The following XRCC5 variants were observed in gnomAD, a reference collection of about 807,000 sequenced individuals.
The protein encoded by XRCC5 is X-ray repair cross complementing 5, also known as DNA repair protein Ku80.
Under a neutral mutation model 95.7 loss-of-function variants are expected in XRCC5, and 12 were observed. That is an observed-to-expected ratio of 0.13 (90% CI 0.08 to 0.20). The LOEUF (loss-of-function observed/expected upper bound fraction) is 0.20, where lower values mean the gene tolerates loss of function less well. Among genes scored for constraint, XRCC5 ranks in the 10% least tolerant of loss-of-function variants. The pLI is 1.00. For synonymous variants in XRCC5, 281 were observed against 290.3 expected (o/e 0.97, Z 0.33); for missense variants, 595 against 873.9 (o/e 0.68, Z 4.02).
intron 13 of XRCC5, among the ~76,000 whole-genome samples, chr2:216,142,528 A>G (rs181677508): frequency 4.7e-4 from 72 of 152,258 alleles, no homozygotes; most frequent in Non-Finnish European, 9.7e-4. Context: ...TGAAGGAGAA[A>G]GGAATATTCC....
chr2:216,198,711 C>T (rs1169381140), intron 19 of XRCC5, among the ~76,000 whole-genome samples: 4 of 152,068 alleles, frequency 2.6e-5, no homozygotes, highest in Non-Finnish European at 5.9e-5. Flanking sequence ...CACCACCCCA[C>T]CCAGCTAATT....
At position 216,194,903 on chromosome 2, in the gene XRCC5, C is replaced by T; in HGVS notation, c.2042-16C>T. The T allele has an allele frequency of 6.2e-7, 1 of 1,613,528 alleles. No homozygotes were observed. The highest frequency in any genetic ancestry group is 1.1e-5 in the South Asian group (1 of 91,054). ...ATTCTTTGTGTTTTGATTTTACTCT[C>T]TGAATTACTTTTTAGATGGAATTAC... On this transcript the variant is annotated splice_polypyrimidine_tract_variant and intron_variant, in intron 18 of 20. Transcript: ENST00000392132.
In XRCC5 at chr2:216,143,676, CA is replaced by C. The variant is rs1476231749; in HGVS notation, c.1476+2358del. Reference sequence around the variant, plus strand: ...TATTTATTGAGTACTAACAATGAACCACGTGCGAAAGATACTATAAGCTGCT... The same window carrying C: ...TATTTATTGAGTACTAACAATGAACCCGTGCGAAAGATACTATAAGCTGCT... On this transcript the variant is annotated intron_variant, in intron 13 of 20. Coordinates refer to ENST00000392132, the MANE Select transcript of XRCC5 (RefSeq NM_021141.4). 1.3e-4 allele frequency among the ~76,000 whole-genome samples: 20 copies of C among 150,998 alleles called. No individual in the cohort carries two copies. The East Asian group carries it at 3.7e-3, about 28-fold the overall frequency.
rs56348061 is a variant in XRCC5 at position 216,194,853 on chromosome 2, G to A, written c.2042-66G>A. The A allele has an allele frequency of 1.3e-4, 197 of 1,506,740 alleles. 1 individual carries two copies. The East Asian group carries it at 3.2e-3, about 24-fold the overall frequency. 93.3% of individuals were successfully genotyped at this position (1,506,740 alleles called of 1,614,324 possible). ...GCTCAAAGGTGGGAGGAGGTGTGAT[G>A]GAAACGAAAATGGGATTGGGGTTGA... On this transcript the variant is annotated intron_variant, in intron 18 of 20. Coordinates refer to ENST00000392132, the MANE Select transcript of XRCC5 (RefSeq NM_021141.4).
At chr2:216,204,932 C>T (rs968734366) in intron 20 of XRCC5, among the ~76,000 whole-genome samples, 3 of 152,172 alleles carry the variant, frequency 2.0e-5, no homozygotes, top group Admixed American at 6.6e-5. Context: ...GGAAACTTCC[C>T]GCCTTTAAGC....
At chr2:216,166,150 T>TC (rs1232004323) in intron 16 of XRCC5, among the ~76,000 whole-genome samples, 1 of 152,130 alleles carries the variant, frequency 6.6e-6, no homozygotes, top group East Asian at 1.9e-4. Context: ...TGAAGGGGTC[T>TC]CAGTCTGTCG....
chr2:216,110,071 C>T (rs41296902), intron 1 of XRCC5, among the ~76,000 whole-genome samples: 4,733 of 152,148 alleles, frequency 0.031, 86 homozygotes, highest in Non-Finnish European at 0.049. Flanking sequence ...ACTATTTATC[C>T]CCATTTTGCA....
Position 216,138,068 on chromosome 2 carries a change from AC to A in XRCC5, c.1252-16del. On this transcript the variant is annotated intron_variant, in intron 11 of 20. Coordinates refer to ENST00000392132, the MANE Select transcript of XRCC5 (RefSeq NM_021141.4). The stretch of plus-strand genomic sequence containing the variant: ...CATTAATTTCATCGTTTCTGCTTTT[AC>A]CCCCTTTCTTTCTCATTAGTGTTTA... The A allele has an allele frequency of 6.4e-7, 1 of 1,569,192 alleles. No individual in the cohort carries two copies. The highest frequency in any genetic ancestry group is 8.7e-7 in the Non-Finnish European group (1 of 1,149,322).
intron 16 of XRCC5, among the ~76,000 whole-genome samples, chr2:216,186,776 A>C (rs912792511): frequency 6.6e-6 from 1 of 152,230 alleles, no homozygotes; most frequent in Admixed American, 6.5e-5. Context: ...GCCATTCCTC[A>C]GCCCTGTAAT....
intron 5 of XRCC5, 142 bp from the exon 6 acceptor site, chr2:216,121,920 T>C: frequency 1.4e-6 from 1 of 706,232 alleles, no homozygotes; most frequent in Non-Finnish European, 2.2e-6. Context: ...ACTGGGAGAA[T>C]ATTGGCTAAG....
intron 13 of XRCC5, among the ~76,000 whole-genome samples, chr2:216,144,360 G>T (rs1688578385): frequency 6.6e-6 from 1 of 152,212 alleles, no homozygotes; most frequent in African/African-American, 2.4e-5. Context: ...AGTAGGTTGT[G>T]AATACCTTGT....
chr2:216,170,489 GGA>G (rs10585319), intron 16 of XRCC5, among the ~76,000 whole-genome samples: 89,673 of 150,412 alleles, frequency 0.6, 27,268 homozygotes, highest in African/African-American at 0.71. Context: ...CTTCTATGAA[GGA>G]GAGAGAGAGA....
At chr2:216,111,869 C>T (rs1203146008) in intron 1 of XRCC5, among the ~76,000 whole-genome samples, 2 of 152,186 alleles carry the variant, frequency 1.3e-5, no homozygotes, top group Non-Finnish European at 2.9e-5. Flanking sequence ...GGACTCAGAA[C>T]TAATGGGTAG....
chr2:216,162,477 C>G (rs1459075090), intron 16 of XRCC5, among the ~76,000 whole-genome samples: 1 of 151,600 alleles, frequency 6.6e-6, no homozygotes, highest in Non-Finnish European at 1.5e-5. Context: ...TTTCAGCACA[C>G]CACAACCTCT....
At chr2:216,146,509 T>G (rs1006838805) in intron 13 of XRCC5, among the ~76,000 whole-genome samples, 1 of 148,844 alleles carries the variant, frequency 6.7e-6, no homozygotes, top group Non-Finnish European at 1.5e-5. Flanking sequence ...TTTTTTAGAA[T>G]TACCAATTTA....
At chr2:216,147,413 C>A in intron 13 of XRCC5, among the ~76,000 whole-genome samples, 1 of 152,068 alleles carries the variant, frequency 6.6e-6, no homozygotes, top group East Asian at 1.9e-4. Context: ...CGGACCACTT[C>A]CAGTCAGACA....
chr2:216,157,840 T>A (rs1040400099), intron 14 of XRCC5, among the ~76,000 whole-genome samples: 28 of 152,234 alleles, frequency 1.8e-4, no homozygotes, highest in African/African-American at 6.5e-4. Context: ...TCTACTGTGA[T>A]CTTGTGTGTA....
At chr2:216,137,046 C>T in intron 10 of XRCC5, 42 bp from the exon 11 acceptor site, 1 of 1,587,858 alleles carries the variant, frequency 6.3e-7, no homozygotes, top group Non-Finnish European at 8.6e-7. Flanking sequence ...TGAAAACTCT[C>T]ACATGTTGAA....
At chr2:216,204,291 T>G (rs564867102) in intron 19 of XRCC5, 31 bp from the exon 20 acceptor site, 71 of 1,612,190 alleles carry the variant, frequency 4.4e-5, no homozygotes, top group Middle Eastern at 1.7e-4. Flanking sequence ...AAAATATCAT[T>G]TTGGTATGAT....
Sources: gnomAD v4.1 joint callset for allele counts (sites outside exome capture counted in the v4.1 genomes callset) on GRCh38, gnomAD v4.1.1 for gene constraint, MANE v1.5 for transcripts, NCBI Gene and HGNC (gene_info 2026-07-23, HGNC 2026-07-21) for gene names.